The following SCMH1 variants were observed in gnomAD, a reference collection of about 807,000 sequenced individuals.
SCMH1 encodes polycomb protein SCMH1.
Under a neutral mutation model 70.8 loss-of-function variants are expected in SCMH1, and 37 were observed. The observed-to-expected ratio is 0.52, with a 90% CI of 0.40 to 0.69. The LOEUF (loss-of-function observed/expected upper bound fraction) is 0.69. SCMH1 is among the 30% of genes least tolerant of loss of function. The pLI is 0.00. For missense variants in SCMH1, 607 were observed against 827.3 expected, an observed-to-expected ratio of 0.73 and a Z score of 3.27; for synonymous variants, 292 against 307.4, an observed-to-expected ratio of 0.95 and a Z score of 0.52.
intron 10 of SCMH1, among the ~76,000 whole-genome samples, chr1:41,064,387 T>C (rs1489898903): frequency 1.3e-5 from 2 of 152,220 alleles, no homozygotes; most frequent in Admixed American, 1.3e-4. Flanking sequence ...CTGGAAGTCC[T>C]AGCTAATGCA....
At chr1:41,133,638 A>G (rs978035755) in intron 6 of SCMH1, among the ~76,000 whole-genome samples, 2 of 152,224 alleles carry the variant, frequency 1.3e-5, no homozygotes, top group African/African-American at 4.8e-5. Flanking sequence ...ACAAACTACC[A>G]TCAGAGAATA....
At chr1:41,151,960 T>C (rs965210387) in intron 4 of SCMH1, among the ~76,000 whole-genome samples, 1 of 152,150 alleles carries the variant, frequency 6.6e-6, no homozygotes. Context: ...AAGCAAGATA[T>C]ACTAGTACTT....
intron 13 of SCMH1, among the ~76,000 whole-genome samples, chr1:41,037,099 A>T (rs1645409522): frequency 6.6e-6 from 1 of 152,190 alleles, no homozygotes; most frequent in Non-Finnish European, 1.5e-5. Context: ...ATAAATAGTT[A>T]ATGGATGAAT....
chr1:41,116,701 A>G (rs11209562), intron 7 of SCMH1, among the ~76,000 whole-genome samples: 11,883 of 152,270 alleles, frequency 0.078, 601 homozygotes, highest in South Asian at 0.13. Flanking sequence ...CCGACAGGTA[A>G]ACAGAGATTA....
intron 8 of SCMH1, among the ~76,000 whole-genome samples, chr1:41,080,455 T>C (rs1659656327): frequency 6.6e-6 from 1 of 152,054 alleles, no homozygotes; most frequent in Non-Finnish European, 1.5e-5. Flanking sequence ...ATATCCCTCA[T>C]GAACATACAT....
chr1:41,032,835 A>C (rs920625920), intron 13 of SCMH1, among the ~76,000 whole-genome samples: 3 of 151,956 alleles, frequency 2.0e-5, no homozygotes, highest in Admixed American at 6.6e-5. Context: ...AAAAATTAGC[A>C]GGGCGTAGTG....
chr1:41,097,576 C>T (rs191817641), intron 8 of SCMH1, among the ~76,000 whole-genome samples: 2 of 152,314 alleles, frequency 1.3e-5, no homozygotes, highest in Admixed American at 1.3e-4. Flanking sequence ...TCAAGCAATC[C>T]TCCTGCCTCA....
chr1:41,200,054 A>T (rs1653942093), intron 1 of SCMH1, among the ~76,000 whole-genome samples: 1 of 152,220 alleles, frequency 6.6e-6, no homozygotes, highest in South Asian at 2.1e-4. Flanking sequence ...AATGTAAAAA[A>T]GTGTTATTAA....
At chr1:41,235,501 G>C (rs1164075145) in intron 1 of SCMH1, among the ~76,000 whole-genome samples, 1 of 144,478 alleles carries the variant, frequency 6.9e-6, no homozygotes, top group Non-Finnish European at 1.5e-5. Flanking sequence ...AACCCAGGAA[G>C]TGCAGGTTGC....
At chr1:41,078,233 G>A (rs188142328) in intron 8 of SCMH1, among the ~76,000 whole-genome samples, 6 of 152,226 alleles carry the variant, frequency 3.9e-5, no homozygotes, top group Admixed American at 3.3e-4. Context: ...ATATATTAGA[G>A]CATTAGAGAT....
chr1:41,049,208 G>T (rs572041675), intron 10 of SCMH1, among the ~76,000 whole-genome samples: 1 of 152,102 alleles, frequency 6.6e-6, no homozygotes, highest in African/African-American at 2.4e-5. Context: ...CCTCTTGTAC[G>T]TACTTCCATT....
intron 2 of SCMH1, among the ~76,000 whole-genome samples, chr1:41,179,284 G>A (rs184258054): frequency 2.0e-5 from 3 of 151,452 alleles, no homozygotes; most frequent in Admixed American, 1.3e-4. Context: ...GAGAAAGCAG[G>A]AAAGATCCAA....
chr1:41,079,624 C>T (rs1659393339), intron 8 of SCMH1, among the ~76,000 whole-genome samples: 1 of 152,074 alleles, frequency 6.6e-6, no homozygotes, highest in Non-Finnish European at 1.5e-5. Context: ...TAACTTTATG[C>T]CAATTAAATA....
intron 13 of SCMH1, 108 bp downstream of exon 13, chr1:41,037,254 C>T: frequency 8.8e-7 from 1 of 1,135,528 alleles, no homozygotes; most frequent in South Asian, 1.5e-5. Context: ...GTCCCACCAC[C>T]AGGCAGAGGG....
At chr1:41,228,904 G>C (rs1660782946) in intron 1 of SCMH1, among the ~76,000 whole-genome samples, 1 of 152,226 alleles carries the variant, frequency 6.6e-6, no homozygotes, top group African/African-American at 2.4e-5. Context: ...ATTCAGAAGA[G>C]AGATGACAGA....
chr1:41,148,677 C>G (rs1289914580), intron 5 of SCMH1, among the ~76,000 whole-genome samples: 3 of 152,062 alleles, frequency 2.0e-5, no homozygotes, highest in African/African-American at 7.2e-5. Context: ...GTTGAGTTTT[C>G]TCTATCAATG....
At chr1:41,217,819 C>T (rs1481470721) in intron 1 of SCMH1, among the ~76,000 whole-genome samples, 1 of 152,192 alleles carries the variant, frequency 6.6e-6, no homozygotes, top group African/African-American at 2.4e-5. Context: ...GACAGAGAAT[C>T]AAGCCAGAGA....
intron 6 of SCMH1, among the ~76,000 whole-genome samples, chr1:41,141,774 T>A (rs746036922): frequency 6.6e-6 from 1 of 152,152 alleles, no homozygotes; most frequent in Non-Finnish European, 1.5e-5. Flanking sequence ...CTAACTGCAA[T>A]GTGAGGATTC....
intron 5 of SCMH1, among the ~76,000 whole-genome samples, chr1:41,151,060 CTTTG>C (rs1645039915): frequency 6.6e-6 from 1 of 151,310 alleles, no homozygotes; most frequent in Admixed American, 6.6e-5. Flanking sequence ...TGACGTTTAA[CTTTG>C]TTTAGCACCA....
Sources: gnomAD v4.1 joint callset for allele counts (sites outside exome capture counted in the v4.1 genomes callset) on GRCh38, gnomAD v4.1.1 for gene constraint, MANE v1.5 for transcripts, NCBI Gene and HGNC (gene_info 2026-07-23, HGNC 2026-07-21) for gene names.